Variants in TUSC3 observed in about 807,000 individuals in gnomAD.
The protein encoded by TUSC3 is dolichyl-diphosphooligosaccharide--protein glycosyltransferase subunit TUSC3.
Under a neutral mutation model 44.8 loss-of-function variants are expected in TUSC3, and 45 were observed. The ratio of observed to expected loss-of-function variants is 1.00; its 90% CI spans 0.79 to 1.29. The LOEUF (loss-of-function observed/expected upper bound fraction) is 1.29. Ranked by LOEUF, TUSC3 falls within the 50% of genes most tolerant of loss-of-function variation. The probability of loss-of-function intolerance (pLI) is 0.00; values close to 1 mark genes in which losing one functional copy is unlikely to be tolerated. For missense variants in TUSC3, 519 were observed against 437.9 expected, an observed-to-expected ratio of 1.19 and a Z score of -1.65; for synonymous variants, 212 against 152.9, an observed-to-expected ratio of 1.39 and a Z score of -2.85.
chr8:15,476,756 G>A (rs1393770109), intron 1 of TUSC3, among the ~76,000 whole-genome samples: 1 of 152,160 alleles, frequency 6.6e-6, no homozygotes, highest in Non-Finnish European at 1.5e-5. Flanking sequence ...AATTTTCTGG[G>A]GTTTAAATAC....
intron 6 of TUSC3, among the ~76,000 whole-genome samples, chr8:15,699,065 C>T (rs1401123245): frequency 6.6e-6 from 1 of 152,054 alleles, no homozygotes; most frequent in East Asian, 1.9e-4. Context: ...CTAGGCTGGT[C>T]TTGGACTCCT....
intron 7 of TUSC3, among the ~76,000 whole-genome samples, chr8:15,736,750 G>T (rs1225136637): frequency 1.3e-5 from 2 of 152,096 alleles, no homozygotes; most frequent in African/African-American, 4.8e-5. Context: ...AGTCAGTCCA[G>T]GAGGGGCAGA....
intron 2 of TUSC3, among the ~76,000 whole-genome samples, chr8:15,492,842 G>A (rs917868332): frequency 6.6e-6 from 1 of 151,230 alleles, no homozygotes; most frequent in Admixed American, 6.6e-5. Context: ...TTTTATCTTT[G>A]CATATATAGA....
At chr8:15,798,273 C>T in the TUSC3 span, among the ~76,000 whole-genome samples, 1 of 152,212 alleles carries the variant, frequency 6.6e-6, no homozygotes, top group African/African-American at 2.4e-5. Context: ...GTGAACACTT[C>T]CCCAACCTCA....
chr8:15,464,846 C>T (rs953075010), intron 1 of TUSC3, among the ~76,000 whole-genome samples: 6 of 152,030 alleles, frequency 3.9e-5, no homozygotes, highest in Non-Finnish European at 7.4e-5. Context: ...TCTTGGAATC[C>T]TTGAAGACTT....
chr8:15,465,530 TA>T (rs1391187359), intron 1 of TUSC3, among the ~76,000 whole-genome samples: 2 of 152,218 alleles, frequency 1.3e-5, no homozygotes, highest in Non-Finnish European at 2.9e-5. Flanking sequence ...TTTGAGATGT[TA>T]AAATGCTTTT....
chr8:15,589,341 C>A (rs554299964), intron 1 of TUSC3, among the ~76,000 whole-genome samples: 21 of 152,148 alleles, frequency 1.4e-4, no homozygotes, highest in Non-Finnish European at 2.8e-4. Flanking sequence ...TTAACAAGAT[C>A]CTGAAATGAT....
At position 15,562,009 on chromosome 8, in the gene TUSC3, C is replaced by A. The variant is rs191895618; in HGVS notation, c.138+21441C>A. 1.1e-3 allele frequency among the ~76,000 whole-genome samples: 174 copies of A among 152,302 alleles called. 2 individuals carry two copies. Among genetic ancestry groups the A allele is most frequent in the African/African-American group, 4.0e-3 (166 of 41,576 alleles). ...GCTGTAGACAGGAGCTGTTCCTATTCGGCCATCTTGGCTCCTCTCTTCAAA... is the reference window on the plus strand; with the variant it reads ...GCTGTAGACAGGAGCTGTTCCTATTAGGCCATCTTGGCTCCTCTCTTCAAA... On this transcript the variant is annotated intron_variant, in intron 1 of 10. Transcript: ENST00000503731.
At chr8:15,679,092 A>G (rs1808306321) in intron 6 of TUSC3, among the ~76,000 whole-genome samples, 1 of 152,148 alleles carries the variant, frequency 6.6e-6, no homozygotes, top group Non-Finnish European at 1.5e-5. Flanking sequence ...TTTTTGGTAG[A>G]ACTGTTTATT....
intron 2 of TUSC3, among the ~76,000 whole-genome samples, chr8:15,517,358 G>A (rs756013405): frequency 5.3e-5 from 8 of 151,862 alleles, no homozygotes; most frequent in South Asian, 2.1e-4. Context: ...ATTACACCCC[G>A]ATCTTTGCTA....
chr8:15,695,628 A>G (rs1279040763), intron 6 of TUSC3, among the ~76,000 whole-genome samples: 2 of 152,232 alleles, frequency 1.3e-5, no homozygotes, highest in Non-Finnish European at 2.9e-5. Context: ...GGGCTTTAGA[A>G]GAAGACAGGA....
intron 2 of TUSC3, among the ~76,000 whole-genome samples, chr8:15,637,326 A>T (rs186089424): frequency 1.2e-4 from 19 of 152,160 alleles, no homozygotes; most frequent in Admixed American, 1.2e-3. Flanking sequence ...TTTTCTTTGA[A>T]GACTTTGTAA....
chr8:15,458,461 ACTC>A (rs1328507080), intron 1 of TUSC3, among the ~76,000 whole-genome samples: 4 of 152,036 alleles, frequency 2.6e-5, no homozygotes, highest in African/African-American at 4.8e-5. Context: ...CTGGTCTCAA[ACTC>A]CTGAGCTCAA....
chr8:15,539,943 G>A (rs1801617093), upstream of TUSC3, among the ~76,000 whole-genome samples: 1 of 152,138 alleles, frequency 6.6e-6, no homozygotes, highest in Admixed American at 6.5e-5. Flanking sequence ...TGGGAATAGA[G>A]ATTGCTGGGG....
In TUSC3 at chr8:15,738,827, C is replaced by CTTTTTTTTT. The variant is rs375655033; in HGVS notation, c.863-4696_863-4688dup. Among the ~76,000 whole-genome samples the CTTTTTTTTT allele has an allele frequency of 3.1e-4, 27 of 87,166 alleles. 3 individuals carry two copies. The highest frequency in any genetic ancestry group is 4.4e-4 in the African/African-American group (9 of 20,596). 57.2% of individuals were successfully genotyped at this position (87,166 alleles called of 152,430 possible). ...ACAAAATTACTATTAATATATCTTGCTTTTTTTTTTTTTTTTTTTTTTTGA... is the reference window on the plus strand; with the variant it reads ...ACAAAATTACTATTAATATATCTTGCTTTTTTTTTTTTTTTTTTTTTTTTTTTTTTTTGA... On this transcript the variant is annotated intron_variant, in intron 7 of 10. Coordinates refer to ENST00000503731, the MANE Select transcript of TUSC3 (RefSeq NM_006765.4).
At chr8:15,748,810 ACT>A (rs1346031663) in intron 9 of TUSC3, 1 of 496,756 alleles carries the variant, frequency 2.0e-6, no homozygotes, top group Non-Finnish European at 4.0e-6. Flanking sequence ...CATATAATTC[ACT>A]GTTCATTGTC....
chr8:15,805,518 T>C, the TUSC3 span, among the ~76,000 whole-genome samples: 2 of 152,128 alleles, frequency 1.3e-5, no homozygotes, highest in Non-Finnish European at 2.9e-5. Context: ...GATGCCTAGT[T>C]TGTTGATGGT....
intron 6 of TUSC3, among the ~76,000 whole-genome samples, chr8:15,674,408 C>G (rs545465628): frequency 6.6e-6 from 1 of 152,086 alleles, no homozygotes; most frequent in East Asian, 1.9e-4. Flanking sequence ...TGTGATAAAT[C>G]AACATAGAAA....
At chr8:15,727,579 A>AAT (rs1810547268) in intron 6 of TUSC3, among the ~76,000 whole-genome samples, 1 of 152,178 alleles carries the variant, frequency 6.6e-6, no homozygotes, top group Non-Finnish European at 1.5e-5. Flanking sequence ...GATTTTGAAG[A>AAT]CACACACAAA....
Sources: allele counts gnomAD v4.1 joint callset (sites outside exome capture counted in the v4.1 genomes callset), GRCh38; gene constraint gnomAD v4.1.1; transcripts MANE v1.5; gene names NCBI Gene and HGNC (gene_info 2026-07-23, HGNC 2026-07-21).